Variants in ADAM10 observed in about 807,000 individuals in gnomAD.
ADAM10 encodes the protein ADAM metallopeptidase domain 10.
A neutral mutation model predicts 90.1 loss-of-function variants in ADAM10; 17 were observed. The observed-to-expected ratio is 0.19, with a 90% confidence interval of 0.13 to 0.28. The LOEUF (loss-of-function observed/expected upper bound fraction) is 0.28. Ranked by LOEUF, ADAM10 falls within the 10% of genes least tolerant of loss-of-function variation. The probability of loss-of-function intolerance (pLI) is 1.00; values close to 1 mark genes in which losing one functional copy is unlikely to be tolerated. For synonymous variants in ADAM10, 310 were observed against 298.6 expected, an observed-to-expected ratio of 1.04 and a Z score of -0.40; for missense variants, 610 against 914.3, an observed-to-expected ratio of 0.67 and a Z score of 4.29.
intron 8 of ADAM10, among the ~76,000 whole-genome samples, chr15:58,637,145 T>C (rs973619182): frequency 1.3e-5 from 2 of 152,252 alleles, no homozygotes; most frequent in Non-Finnish European, 1.5e-5. Context: ...TGTTAAGTTC[T>C]GTACGCTCTC....
At chr15:58,622,331 C>T (rs1231732017) in intron 10 of ADAM10, among the ~76,000 whole-genome samples, 1 of 152,158 alleles carries the variant, frequency 6.6e-6, no homozygotes, top group Non-Finnish European at 1.5e-5. Flanking sequence ...TGTCTCTTTA[C>T]AATTTGTTGC....
At chr15:58,703,857 C>G (rs1200971187) in intron 2 of ADAM10, 1 of 152,812 alleles carries the variant, frequency 6.5e-6, no homozygotes, top group Non-Finnish European at 1.5e-5. Flanking sequence ...GTACAGCCTG[C>G]AGAACCATGA....
intron 6 of ADAM10, among the ~76,000 whole-genome samples, chr15:58,645,143 G>C (rs1896514871): frequency 6.6e-6 from 1 of 152,206 alleles, no homozygotes; most frequent in African/African-American, 2.4e-5. Context: ...AGATGGTCAA[G>C]TAAAAGCATT....
chr15:58,739,110 A>C (rs1461781901), intron 1 of ADAM10, among the ~76,000 whole-genome samples: 1 of 152,194 alleles, frequency 6.6e-6, no homozygotes, highest in African/African-American at 2.4e-5. Context: ...GCTCCTCCCT[A>C]CTAAATGGCC....
intron 11 of ADAM10, among the ~76,000 whole-genome samples, chr15:58,613,381 G>A (rs1471637788): frequency 6.6e-6 from 1 of 152,010 alleles, no homozygotes; most frequent in African/African-American, 2.4e-5. Context: ...CATGAACACA[G>A]GGACTCATGA....
At chr15:58,732,172 G>A (rs1899271208) in intron 1 of ADAM10, 2 of 152,378 alleles carry the variant, frequency 1.3e-5, no homozygotes. Flanking sequence ...GGACAAAGGG[G>A]CTGCAAGTGC....
At chr15:58,620,669 T>C (rs200533862) in intron 11 of ADAM10, among the ~76,000 whole-genome samples, 1 of 39,148 alleles carries the variant, frequency 2.6e-5, no homozygotes, top group Non-Finnish European at 3.6e-5. Context: ...TATTTTTTTT[T>C]TTTTTTTTTT....
At chr15:58,602,168 C>G (rs1895129426) in intron 14 of ADAM10, among the ~76,000 whole-genome samples, 1 of 152,110 alleles carries the variant, frequency 6.6e-6, no homozygotes, top group African/African-American at 2.4e-5. Flanking sequence ...TAATCAATTA[C>G]TGACATTATT....
chr15:58,692,558 C>A lies in ADAM10; in HGVS notation c.207-10244G>T, dbSNP rs113233771. On this transcript the variant is annotated intron_variant, in intron 2 of 15. Coordinates refer to ENST00000260408, the MANE Select transcript of ADAM10 (RefSeq NM_001110.4). Reference sequence around the variant, plus strand: ...TTCTCTGGTTCCTTCTCCAAATAAACGGCGATAAGACAGCCTATGAACTGA... The same window carrying A: ...TTCTCTGGTTCCTTCTCCAAATAAAAGGCGATAAGACAGCCTATGAACTGA... 40 of 543,162 alleles carry A rather than the reference C, an allele frequency of 7.4e-5. No individual in the cohort carries two copies. The East Asian group carries it at 1.9e-3, about 26-fold the overall frequency. The allele number at this position is 543,162 out of a possible 1,614,324, so 33.6% of individuals were successfully genotyped here.
At position 58,618,947 on chromosome 15, in the gene ADAM10, A is replaced by G. The variant is rs541463541; in HGVS notation, c.1511+2524T>C. Among the ~76,000 whole-genome samples, 4 of 152,318 alleles carry G rather than the reference A, an allele frequency of 2.6e-5. No homozygotes were observed. The East Asian group carries it at 7.7e-4, about 29-fold the overall frequency. On this transcript the variant is annotated intron_variant, in intron 11 of 15. Coordinates refer to ENST00000260408, the MANE Select transcript of ADAM10 (RefSeq NM_001110.4). Reference sequence around the variant, plus strand: ...TAGTATAGCCACTGTGTAAACTGGTATAGAAGTTCCTCTAAAAACTAAAAA... The same window carrying G: ...TAGTATAGCCACTGTGTAAACTGGTGTAGAAGTTCCTCTAAAAACTAAAAA...
At chr15:58,729,690 G>A (rs183219128) in intron 1 of ADAM10, among the ~76,000 whole-genome samples, 10 of 152,252 alleles carry the variant, frequency 6.6e-5, no homozygotes, top group Middle Eastern at 3.4e-3. Flanking sequence ...TCAGCCAGGC[G>A]CAGGGGCTCA....
intron 5 of ADAM10, among the ~76,000 whole-genome samples, chr15:58,653,725 C>T (rs1375980124): frequency 6.6e-6 from 1 of 152,058 alleles, no homozygotes; most frequent in African/African-American, 2.4e-5. Flanking sequence ...TACTGGCCTC[C>T]TAGAATGAGT....
At chr15:58,713,492 G>C (rs1214891569) in intron 2 of ADAM10, among the ~76,000 whole-genome samples, 1 of 152,122 alleles carries the variant, frequency 6.6e-6, no homozygotes, top group Non-Finnish European at 1.5e-5. Flanking sequence ...AGTTCACAAG[G>C]AGTAGAGGAC....
At chr15:58,609,816 A>G (rs1895386384) in intron 14 of ADAM10, 1 of 166,842 alleles carries the variant, frequency 6.0e-6, no homozygotes, top group Admixed American at 5.7e-5. Context: ...GAACATCCAT[A>G]ATCATTAGTA....
At chr15:58,700,855 A>C (rs1898111552) in intron 2 of ADAM10, among the ~76,000 whole-genome samples, 1 of 151,974 alleles carries the variant, frequency 6.6e-6, no homozygotes, top group South Asian at 2.1e-4. Flanking sequence ...TCCCTAAAAA[A>C]ATGTAAAAAA....
At chr15:58,628,115 C>A (rs1895999425) in intron 9 of ADAM10, among the ~76,000 whole-genome samples, 2 of 152,156 alleles carry the variant, frequency 1.3e-5, no homozygotes, top group African/African-American at 4.8e-5. Context: ...CAATTTATAG[C>A]TTTGTAAGCA....
At chr15:58,672,070 T>TCGTG (rs10640015) in intron 4 of ADAM10, among the ~76,000 whole-genome samples, 3 of 151,384 alleles carry the variant, frequency 2.0e-5, no homozygotes, top group African/African-American at 7.3e-5. Context: ...TAAAACAAAA[T>TCGTG]AAAAGATAGT....
chr15:58,661,963 T>C (rs1391405768), intron 5 of ADAM10, among the ~76,000 whole-genome samples: 1 of 152,208 alleles, frequency 6.6e-6, no homozygotes, highest in African/African-American at 2.4e-5. Context: ...TTTGTGTTCA[T>C]GTCTTTAATT....
At chr15:58,655,696 G>GTATATATATATACAGTATATATATA (rs1896796207) in intron 5 of ADAM10, among the ~76,000 whole-genome samples, 1 of 68,258 alleles carries the variant, frequency 1.5e-5, no homozygotes, top group Non-Finnish European at 2.4e-5. Flanking sequence ...ATTATATATA[G>GTATATATATATACAGTATATATATA]TATATATATA....
Sources: gnomAD v4.1 joint callset for allele counts (sites outside exome capture counted in the v4.1 genomes callset) on GRCh38, gnomAD v4.1.1 for gene constraint, MANE v1.5 for transcripts, NCBI Gene and HGNC (gene_info 2026-07-23, HGNC 2026-07-21) for gene names.